The following ARMC3 variants were observed in gnomAD, a reference collection of about 807,000 sequenced individuals.
ARMC3 encodes armadillo repeat-containing protein 3.
A neutral mutation model predicts 90.3 loss-of-function variants in ARMC3; 74 were observed. That is an observed-to-expected ratio of 0.82 (90% CI 0.68 to 0.99). ARMC3 has a LOEUF of 0.99. ARMC3 is among the 50% of genes least tolerant of loss of function. The pLI is 0.00. For synonymous variants in ARMC3, 334 were observed against 361.8 expected (o/e 0.92, Z 0.87); for missense variants, 958 against 1,042.8 (o/e 0.92, Z 1.12).
chr10:22,928,455 T>A (rs61847537), intron 1 of ARMC3, among the ~76,000 whole-genome samples: 242 of 151,828 alleles, frequency 1.6e-3, no homozygotes, highest in Non-Finnish European at 2.8e-3. Context: ...CATTAGAAAA[T>A]ATTTAAAATC....
At chr10:22,953,974 T>G (rs1389374559) in intron 3 of ARMC3, among the ~76,000 whole-genome samples, 1 of 152,224 alleles carries the variant, frequency 6.6e-6, no homozygotes, top group Non-Finnish European at 1.5e-5. Context: ...CTGTTTTATA[T>G]TCTCACCAGC....
At chr10:22,999,188 T>C (rs1046296848) in intron 11 of ARMC3, among the ~76,000 whole-genome samples, 1 of 152,240 alleles carries the variant, frequency 6.6e-6, no homozygotes, top group South Asian at 2.1e-4. Context: ...CAATTGCATT[T>C]ATCTGAAAAT....
intron 7 of ARMC3, among the ~76,000 whole-genome samples, chr10:22,964,597 T>A (rs1240465814): frequency 6.6e-6 from 1 of 151,758 alleles, no homozygotes; most frequent in Non-Finnish European, 1.5e-5. Context: ...TGCCACCACA[T>A]CCAGCTAATT....
chr10:23,037,148 T>C, intron 18 of ARMC3, 122 bp from the exon 19 acceptor site: 1 of 884,106 alleles, frequency 1.1e-6, no homozygotes, highest in Non-Finnish European at 1.7e-6. Flanking sequence ...CAGCCTCCTA[T>C]CTAAACATTT....
chr10:22,938,813 C>T (rs1226135463), intron 2 of ARMC3, among the ~76,000 whole-genome samples: 6 of 152,048 alleles, frequency 3.9e-5, no homozygotes, highest in East Asian at 1.9e-4. Flanking sequence ...CAAGCCTAGT[C>T]GCCCAAGGAA....
At chr10:22,933,074 C>T (rs1833988940) in intron 2 of ARMC3, among the ~76,000 whole-genome samples, 1 of 152,160 alleles carries the variant, frequency 6.6e-6, no homozygotes, top group South Asian at 2.1e-4. Flanking sequence ...GACACACAAA[C>T]ACACACTTGC....
chr10:22,951,654 A>G (rs1342037104), intron 3 of ARMC3, among the ~76,000 whole-genome samples: 1 of 152,214 alleles, frequency 6.6e-6, no homozygotes, highest in Non-Finnish European at 1.5e-5. Flanking sequence ...AATAAATAAC[A>G]TACTTTTAAA....
intron 10 of ARMC3, among the ~76,000 whole-genome samples, chr10:22,992,130 G>A (rs767206054): frequency 2.6e-5 from 4 of 152,330 alleles, no homozygotes; most frequent in African/African-American, 4.8e-5. Flanking sequence ...GAAGTATTGT[G>A]ATTGAACAGA....
intron 7 of ARMC3, among the ~76,000 whole-genome samples, chr10:22,966,389 C>T (rs1053947662): frequency 4.6e-5 from 7 of 152,234 alleles, no homozygotes; most frequent in Non-Finnish European, 1.5e-5. Flanking sequence ...GCACAGCTCC[C>T]TCTTCAAGGA....
chr10:22,957,266 G>A (rs904101624), intron 4 of ARMC3, among the ~76,000 whole-genome samples: 2 of 152,216 alleles, frequency 1.3e-5, no homozygotes, highest in Admixed American at 6.5e-5. Flanking sequence ...ATTGTGGTAT[G>A]AGTGTGTTCA....
intron 8 of ARMC3, among the ~76,000 whole-genome samples, chr10:22,980,963 A>G (rs1271591279): frequency 6.6e-6 from 1 of 152,184 alleles, no homozygotes; most frequent in East Asian, 1.9e-4. Context: ...TGGGTTTTAT[A>G]TTTAAAAGAA....
At chr10:22,987,965 C>T (rs955540025) in intron 10 of ARMC3, among the ~76,000 whole-genome samples, 6 of 152,076 alleles carry the variant, frequency 3.9e-5, no homozygotes, top group African/African-American at 9.7e-5. Context: ...TGTTGTGTTC[C>T]CTATGGTCAG....
At position 23,029,492 on chromosome 10, in the gene ARMC3, A is replaced by G. The variant is rs145010277; in HGVS notation, c.2046-1104A>G. On this transcript the variant is annotated intron_variant, in intron 16 of 18. Coordinates refer to ENST00000298032, the MANE Select transcript of ARMC3 (RefSeq NM_173081.5). ...GAACCCATGCTATTGTTTTTGTTTG[A>G]CTCATTAATTAGGGAGGGAACCAGT... 1.7e-3 allele frequency among the ~76,000 whole-genome samples: 258 copies of G among 151,970 alleles called. 1 individual carries two copies. The highest frequency in any genetic ancestry group is 2.4e-3 in the Non-Finnish European group (165 of 67,948).
At chr10:23,007,198 T>G (rs1022263108) in intron 14 of ARMC3, among the ~76,000 whole-genome samples, 2 of 152,208 alleles carry the variant, frequency 1.3e-5, no homozygotes, top group Non-Finnish European at 1.5e-5. Context: ...GCTCTCTTTC[T>G]TTGACTCTAT....
chr10:22,957,129 C>T (rs1834974806), intron 4 of ARMC3, among the ~76,000 whole-genome samples: 1 of 152,136 alleles, frequency 6.6e-6, no homozygotes, highest in African/African-American at 2.4e-5. Flanking sequence ...CTTTCCCCGT[C>T]TTATGATAAT....
intron 16 of ARMC3, among the ~76,000 whole-genome samples, chr10:23,009,223 T>C (rs1216361258): frequency 6.6e-6 from 1 of 151,912 alleles, no homozygotes; most frequent in East Asian, 1.9e-4. Flanking sequence ...CAGTCTCTAA[T>C]CAGTCCTTTG....
chr10:23,014,285 C>T (rs1838166034), intron 16 of ARMC3: 3 of 1,459,244 alleles, frequency 2.1e-6, no homozygotes, highest in South Asian at 2.7e-5. Context: ...CAGGAAAGTG[C>T]CTGACCATCA....
At chr10:23,007,164 C>A (rs574186315) in intron 14 of ARMC3, among the ~76,000 whole-genome samples, 183 bp downstream of exon 14, 55 of 152,194 alleles carry the variant, frequency 3.6e-4, no homozygotes, top group Non-Finnish European at 6.8e-4. Context: ...GAAATAGCCA[C>A]CACTGCAAAT....
At position 23,038,433 on chromosome 10, in the gene ARMC3, A is replaced by G. The variant is rs1839199487; in HGVS notation, c.*954A>G. ...TAGAAGACGTTTTAAAGTGAATTTG[A>G]TTTTAGAAATTAAAGCTAAGATTAT... On this transcript the variant is annotated 3_prime_UTR_variant, in exon 19 of 19. Transcript: ENST00000298032. 6.6e-6 allele frequency: 1 copy of G among 152,226 alleles called. No homozygotes were observed. The highest frequency in any genetic ancestry group is 2.4e-5 in the African/African-American group (1 of 41,462). The allele number at this position is 152,226 out of a possible 1,614,324, so 9.4% of individuals were successfully genotyped here.
Sources: allele counts gnomAD v4.1 joint callset (sites outside exome capture counted in the v4.1 genomes callset), GRCh38; gene constraint gnomAD v4.1.1; transcripts MANE v1.5; gene names NCBI Gene and HGNC (gene_info 2026-07-23, HGNC 2026-07-21).